The following DLG2 variants were observed in gnomAD, a reference collection of about 807,000 sequenced individuals.
DLG2 encodes the protein discs large MAGUK scaffold protein 2.
In DLG2, 45 loss-of-function variants were observed where a neutral mutation model predicts 132.5. The observed-to-expected ratio is 0.34, with a 90% CI of 0.27 to 0.44. DLG2 has a LOEUF of 0.44. Ranked by LOEUF, DLG2 falls within the 20% of genes least tolerant of loss-of-function variation. The pLI is 1.00. For missense variants in DLG2, 1,045 were observed against 1,196.9 expected, an observed-to-expected ratio of 0.87 and a Z score of 1.87; for synonymous variants, 424 against 419.6, an observed-to-expected ratio of 1.01 and a Z score of -0.13.
chr11:85,235,821 A>G (rs1033044820), intron 4 of DLG2, among the ~76,000 whole-genome samples: 23 of 152,048 alleles, frequency 1.5e-4, no homozygotes, highest in East Asian at 1.2e-3. Flanking sequence ...AGAATAGATC[A>G]TATAGAAATT....
intron 9 of DLG2, among the ~76,000 whole-genome samples, chr11:84,113,597 CT>C (rs896139946): frequency 2.6e-5 from 4 of 152,010 alleles, no homozygotes; most frequent in African/African-American, 7.2e-5. Flanking sequence ...CTGACTTAAA[CT>C]TTTTTTTCTG....
intron 6 of DLG2, among the ~76,000 whole-genome samples, chr11:84,823,239 G>A (rs912076279): frequency 6.6e-6 from 1 of 151,702 alleles, no homozygotes; most frequent in Non-Finnish European, 1.5e-5. Context: ...ATCTACTAAA[G>A]AATGCCATCA....
chr11:85,063,467 T>C (rs1161433710), intron 6 of DLG2, among the ~76,000 whole-genome samples: 1 of 151,806 alleles, frequency 6.6e-6, no homozygotes, highest in African/African-American at 2.4e-5. Context: ...GACATTACTT[T>C]ATGGGGCTCC....
intron 11 of DLG2, among the ~76,000 whole-genome samples, chr11:83,997,470 C>T (rs2154187739): frequency 1.3e-5 from 2 of 152,144 alleles, no homozygotes; most frequent in South Asian, 4.2e-4. Context: ...TGCAGTGGCT[C>T]ACACCTGTAA....
At chr11:85,467,643 C>A (rs552390419) in intron 3 of DLG2, among the ~76,000 whole-genome samples, 1 of 152,324 alleles carries the variant, frequency 6.6e-6, no homozygotes, top group South Asian at 2.1e-4. Context: ...ACCAGCCTTG[C>A]ATCCCAGGGA....
chr11:85,109,607 A>C (rs551748093), intron 6 of DLG2, among the ~76,000 whole-genome samples: 1 of 152,124 alleles, frequency 6.6e-6, no homozygotes, highest in Non-Finnish European at 1.5e-5. Context: ...AAAGTAATAA[A>C]ATGTGAAAGT....
chr11:83,906,947 T>C (rs77348120), intron 15 of DLG2, among the ~76,000 whole-genome samples: 2,703 of 152,224 alleles, frequency 0.018, 46 homozygotes, highest in South Asian at 0.063. Context: ...TAATATAAGA[T>C]AAAAGTACTA....
chr11:84,564,648 C>A (rs2099443675), intron 6 of DLG2, among the ~76,000 whole-genome samples: 1 of 152,104 alleles, frequency 6.6e-6, no homozygotes, highest in Non-Finnish European at 1.5e-5. Flanking sequence ...GCTATTCTTA[C>A]AGAACTATGC....
chr11:83,898,156 A>G (rs1373215555), intron 15 of DLG2, among the ~76,000 whole-genome samples: 1 of 152,196 alleles, frequency 6.6e-6, no homozygotes, highest in Non-Finnish European at 1.5e-5. Context: ...ATAGAGATCT[A>G]TGTGTAAATG....
intron 19 of DLG2, among the ~76,000 whole-genome samples, chr11:83,546,767 A>T (rs181243846): frequency 6.6e-6 from 1 of 152,274 alleles, no homozygotes; most frequent in African/African-American, 2.4e-5. Flanking sequence ...TGATTTGATG[A>T]TAACACTTAT....
At chr11:83,657,512 G>A (rs2072881552) in intron 18 of DLG2, among the ~76,000 whole-genome samples, 1 of 148,530 alleles carries the variant, frequency 6.7e-6, no homozygotes, top group African/African-American at 2.5e-5. Flanking sequence ...CCAGTAGTCC[G>A]TGCTTTTATA....
chr11:85,262,671 A>G (rs2077003749), intron 4 of DLG2, among the ~76,000 whole-genome samples: 1 of 152,324 alleles, frequency 6.6e-6, no homozygotes, highest in East Asian at 1.9e-4. Flanking sequence ...CTTTAGATGA[A>G]TGCACACTTA....
At chr11:84,499,544 T>C (rs2099196174) in intron 7 of DLG2, among the ~76,000 whole-genome samples, 2 of 152,202 alleles carry the variant, frequency 1.3e-5, no homozygotes, top group African/African-American at 4.8e-5. Flanking sequence ...TAAAAGATAC[T>C]TGCCATCTTA....
intron 18 of DLG2, among the ~76,000 whole-genome samples, chr11:83,643,277 T>A (rs1277144103): frequency 6.6e-6 from 1 of 152,176 alleles, no homozygotes; most frequent in Non-Finnish European, 1.5e-5. Context: ...ACAAAGGGCA[T>A]CATGCATGAG....
chr11:85,568,369 G>A (rs893366267), intron 3 of DLG2, among the ~76,000 whole-genome samples: 2 of 152,018 alleles, frequency 1.3e-5, no homozygotes, highest in Non-Finnish European at 2.9e-5. Flanking sequence ...GTATTCATAA[G>A]GGATGTTGGT....
intron 3 of DLG2, among the ~76,000 whole-genome samples, chr11:85,544,868 A>T (rs2076207829): frequency 6.6e-6 from 1 of 152,226 alleles, no homozygotes; most frequent in Admixed American, 6.5e-5. Flanking sequence ...GAAGTTGGTT[A>T]TCAGCTTAAG....
intron 18 of DLG2, among the ~76,000 whole-genome samples, chr11:83,699,501 C>T (rs2153638165): frequency 6.6e-6 from 1 of 150,916 alleles, no homozygotes; most frequent in South Asian, 2.1e-4. Flanking sequence ...TCGAGACCAT[C>T]CTGGCTAGCA....
intron 7 of DLG2, among the ~76,000 whole-genome samples, chr11:84,289,915 A>T (rs1288751509): frequency 6.6e-6 from 1 of 152,146 alleles, no homozygotes; most frequent in Non-Finnish European, 1.5e-5. Flanking sequence ...AGGCCCCTCA[A>T]AGTAGTAACC....
At chr11:84,089,981 C>T (rs1326643213) in intron 10 of DLG2, among the ~76,000 whole-genome samples, 1 of 152,184 alleles carries the variant, frequency 6.6e-6, no homozygotes, top group African/African-American at 2.4e-5. Flanking sequence ...CCTGGCAATT[C>T]TAGGACTTCA....
Sources: gnomAD v4.1 joint callset for allele counts (sites outside exome capture counted in the v4.1 genomes callset) on GRCh38, gnomAD v4.1.1 for gene constraint, MANE v1.5 for transcripts, NCBI Gene and HGNC (gene_info 2026-07-23, HGNC 2026-07-21) for gene names.